MDN1: variants seen among roughly 807,000 people sequenced by gnomAD.
MDN1 encodes the protein midasin.
In MDN1, 266 loss-of-function variants were observed where a neutral mutation model predicts 669.2. The ratio of observed to expected loss-of-function variants is 0.40; its 90% CI spans 0.36 to 0.44. MDN1 has a LOEUF of 0.44. Ranked by LOEUF, MDN1 falls within the 20% of genes least tolerant of loss-of-function variation. The pLI, the probability that MDN1 is intolerant of heterozygous loss-of-function variation, is 1.00. For synonymous variants in MDN1, 2,385 were observed against 2,457.1 expected (o/e 0.97, Z 0.87); for missense variants, 5,940 against 6,754.0 (o/e 0.88, Z 4.22).
chr6:89,697,584 A>G (rs531273451), intron 59 of MDN1, among the ~76,000 whole-genome samples: 1 of 142,530 alleles, frequency 7.0e-6, no homozygotes, highest in Non-Finnish European at 1.5e-5. Flanking sequence ...GAACAACCCT[A>G]TTTTTTTTTT....
At chr6:89,800,800 T>C (rs1395651520) in intron 2 of MDN1, among the ~76,000 whole-genome samples, 1 of 152,146 alleles carries the variant, frequency 6.6e-6, no homozygotes, top group Non-Finnish European at 1.5e-5. Flanking sequence ...AATGATGAGA[T>C]ACTCTTGTGG....
intron 7 of MDN1, among the ~76,000 whole-genome samples, chr6:89,788,588 A>C (rs1028526104): frequency 1.3e-5 from 2 of 152,198 alleles, no homozygotes; most frequent in African/African-American, 4.8e-5. Flanking sequence ...GTAAGTAATA[A>C]AAGGCCTCCT....
rs760061535 is a variant in MDN1 at position 89,794,612 on chromosome 6, G to C, written c.519C>G (p.Val173=). ...AGGTGTCATGGCTTCTGAGGAGAGG[G>C]ACACACACACTCCAGTCCCAGAGCT... ...FRELWDWSVC[V]PLLRSHDTLV... The change falls in exon 3 of 102, where the codon GTC becomes GTG. Residue 173 remains valine (V), a synonymous_variant. Coordinates refer to ENST00000369393, the MANE Select transcript of MDN1 (RefSeq NM_014611.3). 1.2e-6 allele frequency: 2 copies of C among 1,613,490 alleles called. No homozygotes were observed. Among genetic ancestry groups the C allele is most frequent in the Admixed American group, 3.3e-5 (2 of 60,004 alleles).
chr6:89,733,601 G>A (rs1446534892), intron 33 of MDN1, among the ~76,000 whole-genome samples: 1 of 147,348 alleles, frequency 6.8e-6, no homozygotes. Context: ...TGATTTAGAA[G>A]AAATGTAATT....
chr6:89,792,459 C>T (rs950475983), intron 5 of MDN1, among the ~76,000 whole-genome samples: 5 of 151,954 alleles, frequency 3.3e-5, no homozygotes, highest in Non-Finnish European at 4.4e-5. Context: ...TGTTAAAATC[C>T]TAATGCCCTA....
intron 1 of MDN1, among the ~76,000 whole-genome samples, chr6:89,803,872 C>T (rs1164952546): frequency 9.6e-5 from 14 of 146,192 alleles, no homozygotes; most frequent in South Asian, 2.2e-4. Context: ...TGAGCCACCG[C>T]GCCCGGCCTT....
In MDN1 at chr6:89,772,715, C is replaced by T. The variant is rs769974679; in HGVS notation, c.1941G>A (p.Lys647=). ...ACGGCCGTGTAGCAGCGAAAGTGAA[C>T]TTCTCCCTGGGAAGGAGAAAAAAAG... The part of the protein sequence containing the change: ...QSEAVHLQRE[K]FTFAATRPSS... The change falls in exon 14 of 102, where the codon AAG becomes AAA. Residue 647 remains lysine, a synonymous_variant. Transcript: ENST00000369393. The T allele has an allele frequency of 5.6e-6, 9 of 1,613,094 alleles. No homozygotes were observed. The African/African-American group carries it at 1.2e-4, about 22-fold the overall frequency.
At position 89,662,183 on chromosome 6, in the gene MDN1, T is replaced by G; in HGVS notation, c.14469A>C (p.Lys4823Asn). 6.2e-7 allele frequency: 1 copy of G among 1,614,130 alleles called. No homozygotes were observed. Among genetic ancestry groups the G allele is most frequent in the Non-Finnish European group, 8.5e-7 (1 of 1,180,026 alleles). The change falls in exon 87 of 102, where the codon AAA (lysine) becomes AAC (asparagine). Residue 4823 changes from lysine (K) to asparagine (N), a missense_variant. Transcript: ENST00000369393. ...CCTTCTTATCTTGCTGGCTTTTATC[T>G]TTGTTTGAATTGCCACTATCCAAGT... ...DDNLDSGNSN[K>N]DKSQQDKKEE...
intron 88 of MDN1, among the ~76,000 whole-genome samples, chr6:89,659,239 G>A (rs979841631): frequency 6.6e-6 from 1 of 152,168 alleles, no homozygotes; most frequent in Non-Finnish European, 1.5e-5. Flanking sequence ...CATGCAAGGC[G>A]GCATACACCT....
chr6:89,742,612 A>T (rs2325237), intron 31 of MDN1, among the ~76,000 whole-genome samples: 127,315 of 152,146 alleles, frequency 0.84, 53,489 homozygotes, highest in East Asian at 1. Flanking sequence ...ACTCACTGAA[A>T]TATACATTTT....
intron 1 of MDN1, among the ~76,000 whole-genome samples, chr6:89,806,560 T>C (rs292217): frequency 0.18 from 27,444 of 151,858 alleles, 2,815 homozygotes; most frequent in South Asian, 0.33. Flanking sequence ...CTACTAGAAA[T>C]ACAAAAAATT....
At position 89,680,800 on chromosome 6, in the gene MDN1, T is replaced by C. The variant is rs925032949; in HGVS notation, c.12103-49A>G. Reference sequence around the variant, plus strand: ...CCTCACTGCCAAGAATGACAGGCAGTGTCCCTGCAAGGGAACTAAATTTAA... The same window carrying C: ...CCTCACTGCCAAGAATGACAGGCAGCGTCCCTGCAAGGGAACTAAATTTAA... On this transcript the variant is annotated intron_variant, in intron 73 of 101. Coordinates refer to ENST00000369393, the MANE Select transcript of MDN1 (RefSeq NM_014611.3). 3.8e-6 allele frequency: 6 copies of C among 1,591,324 alleles called. No homozygotes were observed. The South Asian group carries it at 5.7e-5, about 15-fold the overall frequency.
At chr6:89,718,270 C>T (rs1584258510) in intron 43 of MDN1, 96 bp downstream of exon 43, 7 of 1,322,976 alleles carry the variant, frequency 5.3e-6, no homozygotes, top group Non-Finnish European at 7.2e-6. Context: ...TTAATAATTA[C>T]TAAATTAATA....
Position 89,672,673 on chromosome 6 carries a change from C to G in MDN1, c.13504G>C (p.Glu4502Gln). The change falls in exon 81 of 102, where the codon GAA becomes CAA. Residue 4502 changes from glutamate to glutamine, a missense_variant. Around this residue, in one of 5 missense-constraint regions of MDN1, gnomAD observed 2,280 missense variants for 2,576.3 expected, o/e 0.88. Transcript: ENST00000369393. ...GNQMLDEGFV[E>Q]DFSEQMEIAI... ...ATTTCCATTTGCTCTGAAAAATCTT[C>G]CACAAATCCTTCGTCCAACATTTGA... 1.2e-6 allele frequency: 2 copies of G among 1,614,024 alleles called. No homozygotes were observed. The highest frequency in any genetic ancestry group is 1.7e-6 in the Non-Finnish European group (2 of 1,180,016).
At chr6:89,797,674 A>G in intron 2 of MDN1, 1 of 481,318 alleles carries the variant, frequency 2.1e-6, no homozygotes. Context: ...CAAGTTTTTC[A>G]AAGTCTACCA....
intron 100 of MDN1, among the ~76,000 whole-genome samples, chr6:89,645,382 T>C (rs1482656374): frequency 2.0e-5 from 3 of 152,202 alleles, no homozygotes; most frequent in Non-Finnish European, 2.9e-5. Context: ...GGATACTAAG[T>C]AAGCTTCTGT....
chr6:89,736,475 AC>A (rs1815980134), intron 33 of MDN1, among the ~76,000 whole-genome samples: 1 of 152,072 alleles, frequency 6.6e-6, no homozygotes, highest in African/African-American at 2.4e-5. Flanking sequence ...CAAAAGACAA[AC>A]CATGCTTGGT....
At chr6:89,674,728 G>C (rs1811066927) in intron 78 of MDN1, 139 bp from the exon 79 acceptor site, 12 of 1,228,766 alleles carry the variant, frequency 9.8e-6, no homozygotes, top group Non-Finnish European at 1.3e-5. Context: ...CCCCAGATAG[G>C]TAAAAAGTCT....
At chr6:89,752,880 T>C (rs1817026257) in intron 22 of MDN1, among the ~76,000 whole-genome samples, 1 of 152,156 alleles carries the variant, frequency 6.6e-6, no homozygotes, top group South Asian at 2.1e-4. Context: ...ATCCCAGCAC[T>C]TTGGGAGGCC....
Sources: allele counts gnomAD v4.1 joint callset (sites outside exome capture counted in the v4.1 genomes callset), GRCh38; gene constraint gnomAD v4.1.1; regional missense constraint gnomAD v4.1.1; transcripts MANE v1.5; gene names NCBI Gene and HGNC (gene_info 2026-07-23, HGNC 2026-07-21).